Variants in DNAAF9 observed in about 807,000 individuals in gnomAD.
DNAAF9 encodes the protein dynein axonemal assembly factor 9.
Under a neutral mutation model 167.0 loss-of-function variants are expected in DNAAF9, and 90 were observed. That is an observed-to-expected ratio of 0.54 (90% CI 0.45 to 0.64). The LOEUF (loss-of-function observed/expected upper bound fraction) is 0.64. DNAAF9 is among the 30% of genes least tolerant of loss of function. The pLI, the probability that DNAAF9 is intolerant of heterozygous loss-of-function variation, is 0.00. For synonymous variants in DNAAF9, 491 were observed against 508.8 expected, an observed-to-expected ratio of 0.96 and a Z score of 0.47; for missense variants, 1,315 against 1,442.2, an observed-to-expected ratio of 0.91 and a Z score of 1.43.
intron 6 of DNAAF9, 63 bp downstream of exon 6, chr20:3,373,984 TG>T: frequency 1.0e-6 from 1 of 985,398 alleles, no homozygotes; most frequent in Non-Finnish European, 1.6e-6. Context: ...CACACTCACA[TG>T]GGTTCTTCAT....
At chr20:3,268,819 C>A (rs1359891663) in intron 30 of DNAAF9, among the ~76,000 whole-genome samples, 1 of 148,734 alleles carries the variant, frequency 6.7e-6, no homozygotes, top group African/African-American at 2.5e-5. Context: ...TGTACACAAA[C>A]AAAATCACTA....
chr20:3,310,338 A>AAAG (rs1313528680), intron 20 of DNAAF9, among the ~76,000 whole-genome samples: 15 of 129,168 alleles, frequency 1.2e-4, no homozygotes, highest in Non-Finnish European at 2.3e-4. Context: ...AAAGAAAAAG[A>AAAG]AAGAAAGAAA....
chr20:3,358,100 A>T (rs1357080675), intron 7 of DNAAF9, among the ~76,000 whole-genome samples: 2 of 150,456 alleles, frequency 1.3e-5, no homozygotes, highest in Non-Finnish European at 3.0e-5. Flanking sequence ...ATGTTGCTTC[A>T]TTTTTTTTTC....
Position 3,287,688 on chromosome 20 carries a change from A to G in DNAAF9, c.2430T>C (p.Ser810=). 3 of 1,614,242 alleles carry G rather than the reference A, an allele frequency of 1.9e-6. No homozygotes were observed. Among genetic ancestry groups the G allele is most frequent in the Non-Finnish European group, 2.5e-6 (3 of 1,180,038 alleles). ...TGCGGATGTAGGCTGACTGGCGCGC[A>G]GAGCGGTTCTGCTGGGCCTCTAGGG... The part of the protein sequence containing the change: ...SSALEAQQNR[S]ARQSAYIRKK... The change falls in exon 27 of 37, where the codon TCT becomes TCC. Residue 810 remains serine, a synonymous_variant. Coordinates refer to ENST00000252032, the MANE Select transcript of DNAAF9 (RefSeq NM_001009984.3).
chr20:3,383,091 T>C (rs985077423), intron 1 of DNAAF9, among the ~76,000 whole-genome samples: 1 of 152,080 alleles, frequency 6.6e-6, no homozygotes, highest in African/African-American at 2.4e-5. Flanking sequence ...TCAAGCAAAA[T>C]GTGAGGCACT....
At chr20:3,281,001 A>C (rs911441706) in intron 28 of DNAAF9, among the ~76,000 whole-genome samples, 2 of 151,982 alleles carry the variant, frequency 1.3e-5, no homozygotes, top group African/African-American at 4.8e-5. Context: ...TTATATACTC[A>C]ACTTCAGTCC....
chr20:3,263,618 G>A (rs183207059), intron 31 of DNAAF9, among the ~76,000 whole-genome samples: 44 of 152,114 alleles, frequency 2.9e-4, no homozygotes, highest in African/African-American at 9.2e-4. Context: ...ATAAAATAAC[G>A]GAATCCACTT....
In DNAAF9 at chr20:3,259,564, G is replaced by A. The variant is rs372002292; in HGVS notation, c.2981-10C>T. 3.6e-5 allele frequency: 58 copies of A among 1,595,382 alleles called. No homozygotes were observed. The highest frequency in any genetic ancestry group is 4.4e-5 in the Non-Finnish European group (51 of 1,162,978). ...ATGGAGGACTGAATTGCTGGTGGAA[G>A]AAGAGGACAGCGCTGTCACCCACAT... On this transcript the variant is annotated splice_polypyrimidine_tract_variant and intron_variant, in intron 32 of 36. Transcript: ENST00000252032.
chr20:3,341,017 T>C (rs1234998376), intron 9 of DNAAF9, among the ~76,000 whole-genome samples: 4 of 152,154 alleles, frequency 2.6e-5, no homozygotes, highest in Non-Finnish European at 4.4e-5. Flanking sequence ...GTTATGATAC[T>C]TGGACTAGAC....
chr20:3,335,130 T>C (rs2069912813), intron 10 of DNAAF9, among the ~76,000 whole-genome samples: 2 of 152,234 alleles, frequency 1.3e-5, no homozygotes, highest in African/African-American at 4.8e-5. Context: ...ACTTTTGAGA[T>C]AAAACCATTT....
At chr20:3,348,374 G>A (rs2070238384) in intron 8 of DNAAF9, 151 bp downstream of exon 8, 1 of 416,242 alleles carries the variant, frequency 2.4e-6, no homozygotes. Context: ...GGTTGGCATG[G>A]GGGGGAACTA....
rs1046088548 is a variant in DNAAF9 at position 3,287,695 on chromosome 20, T to C, written c.2423A>G (p.Asn808Ser). The change falls in exon 27 of 37, where the codon AAC becomes AGC. Residue 808 changes from asparagine (N) to serine (S), a missense_variant. By Grantham distance (46) the Asn-to-Ser change is conservative. This residue lies in a region of DNAAF9 where 981 missense variants were observed against 1,012.5 expected (regional missense o/e 0.97). Transcript: ENST00000252032. ...YLSSALEAQQ[N>S]RSARQSAYIR... ...GTAGGCTGACTGGCGCGCAGAGCGG[T>C]TCTGCTGGGCCTCTAGGGCACTGGA... The C allele has an allele frequency of 1.2e-5, 20 of 1,614,078 alleles. No homozygotes were observed. Among genetic ancestry groups the C allele is most frequent in the Non-Finnish European group, 1.7e-5 (20 of 1,180,030 alleles).
intron 20 of DNAAF9, among the ~76,000 whole-genome samples, chr20:3,311,016 A>G (rs1371987196): frequency 6.6e-6 from 1 of 152,202 alleles, no homozygotes; most frequent in Non-Finnish European, 1.5e-5. Flanking sequence ...ATGTGGGCTC[A>G]TACTAAAATT....
intron 27 of DNAAF9, among the ~76,000 whole-genome samples, chr20:3,282,232 G>GT (rs1175737088): frequency 6.6e-6 from 1 of 152,092 alleles, no homozygotes; most frequent in African/African-American, 2.4e-5. Flanking sequence ...GCTCACATTG[G>GT]TATCTCCTGC....
intron 23 of DNAAF9, chr20:3,296,326 G>A (rs1320655063): frequency 5.6e-6 from 2 of 357,180 alleles, no homozygotes; most frequent in Non-Finnish European, 1.1e-5. Flanking sequence ...CCCGGGTCAG[G>A]GCTGTGAGAC....
At chr20:3,330,760 A>T in intron 11 of DNAAF9, 78 bp from the exon 12 acceptor site, 7 of 778,836 alleles carry the variant, frequency 9.0e-6, no homozygotes, top group Admixed American at 2.6e-5. Flanking sequence ...GAAATGCTTA[A>T]TTTACCTGGA....
intron 1 of DNAAF9, among the ~76,000 whole-genome samples, chr20:3,386,254 A>G (rs1356933112): frequency 2.6e-5 from 4 of 152,270 alleles, no homozygotes; most frequent in Non-Finnish European, 5.9e-5. Context: ...AAAGTAATCA[A>G]GACTGAGTGG....
At chr20:3,298,983 G>A (rs929450209) in intron 21 of DNAAF9, among the ~76,000 whole-genome samples, 6 of 142,132 alleles carry the variant, frequency 4.2e-5, no homozygotes, top group Admixed American at 3.8e-4. Flanking sequence ...ATCTCCGCTC[G>A]CTGCAACCCC....
At chr20:3,350,269 A>G (rs1052921572) in intron 7 of DNAAF9, among the ~76,000 whole-genome samples, 10 of 151,876 alleles carry the variant, frequency 6.6e-5, no homozygotes, top group African/African-American at 2.4e-4. Context: ...ATTTGGGCCC[A>G]GGAGTTCGAG....
Sources: allele counts gnomAD v4.1 joint callset (sites outside exome capture counted in the v4.1 genomes callset), GRCh38; gene constraint gnomAD v4.1.1; regional missense constraint gnomAD v4.1.1; transcripts MANE v1.5; gene names NCBI Gene and HGNC (gene_info 2026-07-23, HGNC 2026-07-21).